CNTLN: variants seen among roughly 807,000 people sequenced by gnomAD.
CNTLN encodes the protein centlein, centrosomal protein.
Under a neutral mutation model 180.0 loss-of-function variants are expected in CNTLN, and 212 were observed. That is an observed-to-expected ratio of 1.18 (90% confidence interval 1.05 to 1.32). CNTLN has a LOEUF of 1.32. Among genes scored for constraint, CNTLN ranks in the 40% most tolerant of loss-of-function variants. The pLI is 0.00. For synonymous variants in CNTLN, 722 were observed against 563.1 expected, an observed-to-expected ratio of 1.28 and a Z score of -3.99; for missense variants, 2,095 against 1,610.9, an observed-to-expected ratio of 1.30 and a Z score of -5.14.
At chr9:17,368,589 AGTG>A (rs1375578394) in intron 13 of CNTLN, among the ~76,000 whole-genome samples, 1 of 152,160 alleles carries the variant, frequency 6.6e-6, no homozygotes, top group East Asian at 1.9e-4. Flanking sequence ...GCATAGTCCC[AGTG>A]GTGGTGGCCA....
At chr9:17,316,616 A>C (rs138294930) in intron 8 of CNTLN, among the ~76,000 whole-genome samples, 2 of 152,114 alleles carry the variant, frequency 1.3e-5, no homozygotes, top group African/African-American at 4.8e-5. Flanking sequence ...GAAAAATCAT[A>C]AGGTAAACCA....
Position 17,235,782 on chromosome 9 carries a change from A to C in CNTLN, c.659A>C (p.Gln220Pro). ...DLEKKFKDKS[Q>P]EIKDTKECVQ... is the part of the protein sequence containing the mutation. ...GAGAAGAAATTTAAAGATAAAAGTCAAGAAATTAAGGTGTGTTGACTTGTA... is the reference window on the plus strand; with the variant it reads ...GAGAAGAAATTTAAAGATAAAAGTCCAGAAATTAAGGTGTGTTGACTTGTA... Residue 220 changes from glutamine to proline, a missense_variant, in exon 4 of 26, where the codon CAA becomes CCA. Physicochemically the swap from Gln to Pro is moderately conservative, Grantham distance 76 (BLOSUM62 -1). Transcript: ENST00000380647. 6.2e-7 allele frequency: 1 copy of C among 1,604,954 alleles called. No individual in the cohort carries two copies. Among genetic ancestry groups the C allele is most frequent in the Non-Finnish European group, 8.5e-7 (1 of 1,177,448 alleles).
At chr9:17,420,412 CT>C (rs761581111) in intron 18 of CNTLN, among the ~76,000 whole-genome samples, 2 of 152,120 alleles carry the variant, frequency 1.3e-5, no homozygotes, top group Non-Finnish European at 2.9e-5. Flanking sequence ...GTTGTAATAT[CT>C]GCTTTTTCAC....
intron 18 of CNTLN, among the ~76,000 whole-genome samples, chr9:17,433,568 G>A (rs1829559656): frequency 1.3e-5 from 2 of 152,124 alleles, no homozygotes; most frequent in Middle Eastern, 3.4e-3. Context: ...TTACAGGCGT[G>A]AGCCACCGCG....
chr9:17,197,654 G>C (rs1210685142), intron 2 of CNTLN, among the ~76,000 whole-genome samples: 3 of 152,122 alleles, frequency 2.0e-5, no homozygotes, highest in Non-Finnish European at 4.4e-5. Context: ...CAGATGAGTA[G>C]TTTGCAGATA....
At chr9:17,245,978 T>G (rs995373808) in intron 5 of CNTLN, among the ~76,000 whole-genome samples, 1 of 152,152 alleles carries the variant, frequency 6.6e-6, no homozygotes, top group African/African-American at 2.4e-5. Flanking sequence ...TCAAAGCAAC[T>G]ATTTTGAATT....
chr9:17,459,037 A>G (rs557608548), intron 19 of CNTLN, among the ~76,000 whole-genome samples: 1 of 151,938 alleles, frequency 6.6e-6, no homozygotes, highest in Non-Finnish European at 1.5e-5. Flanking sequence ...TTCTTCATAT[A>G]TTTAAGTCCT....
chr9:17,390,633 A>C (rs1189470849), intron 14 of CNTLN, among the ~76,000 whole-genome samples: 1 of 152,180 alleles, frequency 6.6e-6, no homozygotes, highest in African/African-American at 2.4e-5. Flanking sequence ...CCACAGATTG[A>C]ATACTTTTAA....
chr9:17,396,970 C>T (rs1826576601), intron 15 of CNTLN, among the ~76,000 whole-genome samples: 1 of 152,160 alleles, frequency 6.6e-6, no homozygotes, highest in Non-Finnish European at 1.5e-5. Context: ...AAACTTACTT[C>T]CCACCCACTA....
At chr9:17,168,933 A>G (rs748779710) in intron 2 of CNTLN, among the ~76,000 whole-genome samples, 9 of 152,206 alleles carry the variant, frequency 5.9e-5, no homozygotes, top group African/African-American at 9.7e-5. Context: ...GGCAGGAGTT[A>G]TGGAAAGTTT....
chr9:17,304,525 G>A (rs1389166886), intron 7 of CNTLN, among the ~76,000 whole-genome samples: 1 of 152,020 alleles, frequency 6.6e-6, no homozygotes, highest in Non-Finnish European at 1.5e-5. Context: ...AAAATAAGGA[G>A]TTAGCATATT....
chr9:17,504,172 A>T (rs1467544383), downstream of CNTLN, among the ~76,000 whole-genome samples: 1 of 152,168 alleles, frequency 6.6e-6, no homozygotes, highest in East Asian at 1.9e-4. Context: ...ATCAAATGTC[A>T]CACACTTAAG....
chr9:17,440,284 G>T (rs1046302392), intron 18 of CNTLN, among the ~76,000 whole-genome samples: 3 of 151,888 alleles, frequency 2.0e-5, no homozygotes, highest in African/African-American at 7.3e-5. Context: ...TAAGAGAACT[G>T]AAAACACGGC....
At chr9:17,306,751 C>A (rs770852632) in intron 7 of CNTLN, among the ~76,000 whole-genome samples, 2 of 152,138 alleles carry the variant, frequency 1.3e-5, no homozygotes, top group African/African-American at 2.4e-5. Flanking sequence ...TATGTGAATT[C>A]TTTAATAATA....
rs139577370 is a variant in CNTLN, at chr9:17,392,700, G to T, written c.2080-1834G>T. ...CATGGAATAGAAGTGATTAAAATTA[G>T]GTGAGATTCTTCATACTGTGTTGAG... On this transcript the variant is annotated intron_variant, in intron 14 of 25. Coordinates refer to ENST00000380647, the MANE Select transcript of CNTLN (RefSeq NM_017738.4). 7.3e-3 allele frequency among the ~76,000 whole-genome samples: 1,106 copies of T among 152,132 alleles called. 14 individuals carry two copies. The highest frequency in any genetic ancestry group is 0.028 in the Admixed American group (430 of 15,282).
chr9:17,211,860 T>C (rs928218633), intron 2 of CNTLN, among the ~76,000 whole-genome samples: 3 of 152,178 alleles, frequency 2.0e-5, no homozygotes, highest in African/African-American at 7.2e-5. Context: ...TCTGTTTGTC[T>C]GTTGTTGGTG....
intron 25 of CNTLN, among the ~76,000 whole-genome samples, chr9:17,500,696 A>G (rs1178083384): frequency 6.6e-6 from 1 of 152,218 alleles, no homozygotes; most frequent in Non-Finnish European, 1.5e-5. Flanking sequence ...ACAATTTTAG[A>G]AAATGAAACA....
the CNTLN span, among the ~76,000 whole-genome samples, chr9:17,521,108 A>T: frequency 6.6e-6 from 1 of 152,216 alleles, no homozygotes; most frequent in African/African-American, 2.4e-5. Flanking sequence ...CGAGATAATT[A>T]TCAAGGTGAT....
intron 5 of CNTLN, among the ~76,000 whole-genome samples, chr9:17,263,192 C>A (rs1404681433): frequency 1.7e-5 from 2 of 117,152 alleles, no homozygotes; most frequent in Admixed American, 1.8e-4. Flanking sequence ...TCCCTCCCCC[C>A]TCCCCCCACC....
Sources: allele counts gnomAD v4.1 joint callset (sites outside exome capture counted in the v4.1 genomes callset), GRCh38; gene constraint gnomAD v4.1.1; transcripts MANE v1.5; gene names NCBI Gene and HGNC (gene_info 2026-07-23, HGNC 2026-07-21).